FNDC3B: variants seen among roughly 807,000 people sequenced by gnomAD.
FNDC3B encodes the protein fibronectin type III domain containing 3B.
Under a neutral mutation model 151.5 loss-of-function variants are expected in FNDC3B, and 12 were observed. That is an observed-to-expected ratio of 0.08 (90% CI 0.05 to 0.13). FNDC3B has a LOEUF of 0.13. Ranked by LOEUF, FNDC3B falls within the 10% of genes least tolerant of loss-of-function variation. The probability of loss-of-function intolerance (pLI) is 1.00; values close to 1 mark genes in which losing one functional copy is unlikely to be tolerated. For missense variants in FNDC3B, 1,214 were observed against 1,505.3 expected (o/e 0.81, Z 3.20); for synonymous variants, 528 against 549.0 (o/e 0.96, Z 0.54).
At chr3:172,109,878 G>A (rs543466098) in intron 1 of FNDC3B, among the ~76,000 whole-genome samples, 21 of 152,286 alleles carry the variant, frequency 1.4e-4, no homozygotes, top group African/African-American at 5.1e-4. Context: ...TGGTTTATTT[G>A]GGGGGTAAAA....
chr3:172,041,429 CCT>C (rs1560378092), intron 1 of FNDC3B, among the ~76,000 whole-genome samples: 8 of 136,388 alleles, frequency 5.9e-5, no homozygotes, highest in African/African-American at 2.6e-4. Flanking sequence ...TTCCTTCCTT[CCT>C]TCCTTCCTTC....
chr3:172,316,000 CTTTTTTTTTT>C (rs555242809), intron 11 of FNDC3B, among the ~76,000 whole-genome samples: 4 of 79,934 alleles, frequency 5.0e-5, no homozygotes, highest in South Asian at 6.3e-4. Flanking sequence ...CTTTCTTCTT[CTTTTTTTTTT>C]TTTTTTTTTT....
At chr3:172,300,751 C>T (rs1033192735) in intron 9 of FNDC3B, among the ~76,000 whole-genome samples, 1 of 152,174 alleles carries the variant, frequency 6.6e-6, no homozygotes, top group Admixed American at 6.5e-5. Flanking sequence ...TTCTACCTCT[C>T]TGCTTTCCAG....
At chr3:172,158,873 T>TCCTCTC (rs1156336402) in intron 3 of FNDC3B, among the ~76,000 whole-genome samples, 1 of 152,214 alleles carries the variant, frequency 6.6e-6, no homozygotes, top group Non-Finnish European at 1.5e-5. Flanking sequence ...CCTCCCCTCT[T>TCCTCTC]CCTCTCCCTC....
At chr3:172,230,737 C>T (rs1726848215) in intron 4 of FNDC3B, among the ~76,000 whole-genome samples, 1 of 152,118 alleles carries the variant, frequency 6.6e-6, no homozygotes, top group South Asian at 2.1e-4. Flanking sequence ...TATCATTAGC[C>T]ATCAGAGAAA....
Position 172,106,146 on chromosome 3 carries a change from C to G in FNDC3B, c.-28-6306C>G, listed in dbSNP as rs575640502. 4.6e-5 allele frequency among the ~76,000 whole-genome samples: 7 copies of G among 152,266 alleles called. No homozygotes were observed. In the South Asian group the frequency reaches 1.2e-3, roughly 27 times the overall value. On this transcript the variant is annotated intron_variant, in intron 1 of 25. Transcript: ENST00000415807. Reference sequence around the variant, plus strand: ...GTTAAAACTGAACACATACATTCTACTTACTTGTTATGTTACTCCATCAAC... The same window carrying G: ...GTTAAAACTGAACACATACATTCTAGTTACTTGTTATGTTACTCCATCAAC...
rs58729082 is a variant in FNDC3B at position 172,343,919 on chromosome 3, A to C, written c.2078-167A>C. Among the ~76,000 whole-genome samples, 4 of 152,254 alleles carry C rather than the reference A, an allele frequency of 2.6e-5. No homozygotes were observed. In the East Asian group the frequency reaches 7.7e-4, roughly 29 times the overall value. On this transcript the variant is annotated intron_variant, in intron 18 of 25. Transcript: ENST00000415807. ...AGAGTATGGATAACATCATTCAGAA[A>C]CTTTTATTTTTATATCTCTTTTTTG...
At chr3:172,339,450 C>A (rs1733171177) in intron 16 of FNDC3B, among the ~76,000 whole-genome samples, 1 of 152,098 alleles carries the variant, frequency 6.6e-6, no homozygotes, top group Non-Finnish European at 1.5e-5. Context: ...GTAATTCCAG[C>A]TACTTGAGAG....
intron 25 of FNDC3B, among the ~76,000 whole-genome samples, chr3:172,395,913 C>T (rs998202397): frequency 2.6e-5 from 4 of 152,114 alleles, no homozygotes; most frequent in Non-Finnish European, 4.4e-5. Flanking sequence ...AAAAGACTGA[C>T]GATCAATGTT....
intron 3 of FNDC3B, among the ~76,000 whole-genome samples, chr3:172,189,387 A>G (rs897476734): frequency 6.6e-6 from 1 of 152,054 alleles, no homozygotes; most frequent in Non-Finnish European, 1.5e-5. Flanking sequence ...TTTCATTCCA[A>G]ATTTTCTATG....
chr3:172,125,348 C>T (rs1381954820), intron 2 of FNDC3B, among the ~76,000 whole-genome samples: 1 of 152,122 alleles, frequency 6.6e-6, no homozygotes, highest in Non-Finnish European at 1.5e-5. Flanking sequence ...ACAGCAGCGG[C>T]TCCCTTTTTT....
At chr3:172,055,787 CT>C (rs768264065) in intron 1 of FNDC3B, among the ~76,000 whole-genome samples, 344 of 143,218 alleles carry the variant, frequency 2.4e-3, no homozygotes, top group Admixed American at 2.3e-3. Flanking sequence ...ATGTTTCTTT[CT>C]TTTTTTTTTT....
chr3:172,091,267 G>C (rs1244007776), intron 1 of FNDC3B, among the ~76,000 whole-genome samples: 3 of 152,198 alleles, frequency 2.0e-5, no homozygotes, highest in South Asian at 2.1e-4. Flanking sequence ...CAGTGCTGTT[G>C]AAAGTTTTAG....
intron 3 of FNDC3B, among the ~76,000 whole-genome samples, chr3:172,172,121 G>T (rs77194171): frequency 6.6e-6 from 1 of 152,216 alleles, no homozygotes; most frequent in Non-Finnish European, 1.5e-5. Context: ...CCCAAACACC[G>T]AAATCATTTA....
intron 19 of FNDC3B, among the ~76,000 whole-genome samples, chr3:172,345,069 G>A (rs550621265): frequency 6.6e-6 from 1 of 152,266 alleles, no homozygotes; most frequent in East Asian, 1.9e-4. Context: ...AAATAAGACA[G>A]CCCAACTTGC....
At chr3:172,331,737 T>C (rs1732681131) in intron 13 of FNDC3B, among the ~76,000 whole-genome samples, 1 of 152,200 alleles carries the variant, frequency 6.6e-6, no homozygotes, top group African/African-American at 2.4e-5. Flanking sequence ...CTGGCCAGAA[T>C]GCCCTTCCAG....
At chr3:172,239,372 G>T (rs754255089) in intron 4 of FNDC3B, among the ~76,000 whole-genome samples, 2 of 152,152 alleles carry the variant, frequency 1.3e-5, no homozygotes, top group Non-Finnish European at 1.5e-5. Context: ...TTCCTGGAAT[G>T]ACCTGGGATC....
At chr3:172,207,192 T>C (rs1293518189) in intron 3 of FNDC3B, among the ~76,000 whole-genome samples, 2 of 152,046 alleles carry the variant, frequency 1.3e-5, no homozygotes, top group African/African-American at 4.8e-5. Flanking sequence ...TGGTTTAGGT[T>C]TAGTCTGTAA....
At chr3:172,098,949 G>C (rs569393466) in intron 1 of FNDC3B, among the ~76,000 whole-genome samples, 1 of 152,162 alleles carries the variant, frequency 6.6e-6, no homozygotes, top group Non-Finnish European at 1.5e-5. Context: ...GTGAGAAGTG[G>C]TTTCCCACCA....
Sources: gnomAD v4.1 joint callset for allele counts (sites outside exome capture counted in the v4.1 genomes callset) on GRCh38, gnomAD v4.1.1 for gene constraint, MANE v1.5 for transcripts, NCBI Gene and HGNC (gene_info 2026-07-23, HGNC 2026-07-21) for gene names.